The following ACADM variants were observed in gnomAD, a reference collection of about 807,000 sequenced individuals.
The protein encoded by ACADM is medium-chain specific acyl-CoA dehydrogenase, mitochondrial.
A neutral mutation model predicts 58.9 loss-of-function variants in ACADM; 49 were observed. That is an observed-to-expected ratio of 0.83 (90% CI 0.66 to 1.06). The LOEUF is 1.06. ACADM is among the 50% of genes least tolerant of loss of function. ACADM has a pLI of 0.00. For synonymous variants in ACADM, 160 were observed against 157.7 expected (o/e 1.01, Z -0.11); for missense variants, 496 against 507.0 (o/e 0.98, Z 0.21).
chr1:75,755,267 T>C (rs758502026), intron 10 of ACADM, among the ~76,000 whole-genome samples: 6 of 152,188 alleles, frequency 3.9e-5, no homozygotes, highest in Non-Finnish European at 7.3e-5. Context: ...GTAGTGGTCC[T>C]CCCAGAATGG....
At position 75,733,576 on chromosome 1, in the gene ACADM, T is replaced by G. The variant is rs1647188353; in HGVS notation, c.335T>G (p.Leu112Trp). 3 of 1,614,032 alleles carry G rather than the reference T, an allele frequency of 1.9e-6. No individual in the cohort carries two copies. In the African/African-American group the frequency reaches 4.0e-5, roughly 22 times the overall value. Residue 112 changes from leucine (L) to tryptophan (W), a missense_variant, in exon 5 of 12, where the codon TTG (leucine) becomes TGG (tryptophan). Physicochemically the swap from Leu to Trp is moderately conservative, Grantham distance 61. Transcript: ENST00000370841. The part of the protein sequence containing the change: ...TFDACLISEE[L>W]AYGCTGVQTA... ...GATGCTTGTTTAATTAGTGAAGAAT[T>G]GGCTTATGGATGTACAGGGGTTCAG...
At chr1:75,734,090 A>G (rs1043930110) in intron 5 of ACADM, among the ~76,000 whole-genome samples, 2 of 151,836 alleles carry the variant, frequency 1.3e-5, no homozygotes, top group Admixed American at 6.6e-5. Flanking sequence ...GGTTCAAGCA[A>G]TTCTCCTGCC....
chr1:75,736,518 G>A lies in ACADM; in HGVS notation c.468+1647G>A, dbSNP rs141961005. ...ATTGTCTATAAGAACTGTGTGAAACGTCTAGATTGTTCTCCTGTAGCATAT... is the reference window on the plus strand; with the variant it reads ...ATTGTCTATAAGAACTGTGTGAAACATCTAGATTGTTCTCCTGTAGCATAT... On this transcript the variant is annotated intron_variant, in intron 6 of 11. Coordinates refer to ENST00000370841, the MANE Select transcript of ACADM (RefSeq NM_000016.6). Among the ~76,000 whole-genome samples the A allele has an allele frequency of 2.9e-3, 437 of 152,152 alleles. 4 individuals carry two copies. The highest frequency in any genetic ancestry group is 0.01 in the African/African-American group (417 of 41,526).
chr1:75,732,649 A>T lies in ACADM; in HGVS notation c.124A>T (p.Thr42Ser). 6.2e-7 allele frequency: 1 copy of T among 1,613,632 alleles called. No individual in the cohort carries two copies. ...TCTAAATAATTTTCCCTTAGAGTTC[A>T]CCGAACAGCAGAAAGAATTTCAAGC... Reference protein sequence around the residue: ...EPGLGFSFEFTEQQKEFQATA... With the variant: ...EPGLGFSFEFSEQQKEFQATA... Residue 42 changes from threonine (T) to serine (S), a missense_variant, in exon 3 of 12, where the codon ACC (threonine) becomes TCC (serine). Thr to Ser is a moderately conservative substitution (Grantham distance 58). Transcript: ENST00000370841.
intron 7 of ACADM, chr1:75,743,513 C>T (rs1647701376): frequency 1.2e-6 from 2 of 1,609,110 alleles, no homozygotes; most frequent in Non-Finnish European, 8.5e-7. Context: ...AGCCGGTGAT[C>T]ATAGGTCAGT....
chr1:75,743,657 C>T (rs1647713004), intron 7 of ACADM: 1 of 1,485,968 alleles, frequency 6.7e-7, no homozygotes, highest in African/African-American at 1.4e-5. Context: ...AAAACACCTC[C>T]ATTGCTAATG....
intron 6 of ACADM, among the ~76,000 whole-genome samples, chr1:75,739,140 T>A (rs1557449893): frequency 6.6e-6 from 1 of 152,184 alleles, no homozygotes; most frequent in Non-Finnish European, 1.5e-5. Context: ...GTACCTGGAA[T>A]GCATATTCTT....
intron 6 of ACADM, 72 bp downstream of exon 6, chr1:75,734,943 C>A: frequency 2.7e-6 from 3 of 1,115,952 alleles, no homozygotes; most frequent in South Asian, 2.6e-5. Context: ...CCTTTTCAGT[C>A]TATATGTATA....
rs1434219466 is a variant in ACADM, at chr1:75,729,301, T to C, written c.118+813T>C. Among the ~76,000 whole-genome samples the C allele has an allele frequency of 1.1e-4, 16 of 146,958 alleles. 1 individual carries two copies. Among genetic ancestry groups the C allele is most frequent in the African/African-American group, 3.7e-4 (15 of 40,382 alleles). ...TTTTCTTTCTTTCTTTTTTCTTTTT[T>C]TTTTTTTTTTTAAGATGAGGTTTCA... On this transcript the variant is annotated intron_variant, in intron 2 of 11. Transcript: ENST00000370841.
At chr1:75,758,106 A>C (rs185305469) in intron 10 of ACADM, among the ~76,000 whole-genome samples, 2 of 152,026 alleles carry the variant, frequency 1.3e-5, no homozygotes, top group African/African-American at 2.4e-5. Context: ...CTTGTTGCCC[A>C]GGCTGGAGTG....
At position 75,743,713 on chromosome 1, in the gene ACADM, C is replaced by A. The variant is rs987309795; in HGVS notation, c.600-2093C>A. On this transcript the variant is annotated intron_variant, in intron 7 of 11. Transcript: ENST00000370841. ...ATCTTCAATGGCAAATTCATTCTTT[C>A]GGGCCTTCTCTCCCAGTTCAGTGAT... 68 of 1,495,312 alleles carry A rather than the reference C, an allele frequency of 4.5e-5. No homozygotes were observed. The Middle Eastern group carries it at 8.5e-4, about 19-fold the overall frequency. The allele number at this position is 1,495,312 out of a possible 1,614,324, so 92.6% of individuals were successfully genotyped here. A position where few individuals can be genotyped will look rare whatever the true frequency, so the allele number is the denominator to read the frequency against.
intron 10 of ACADM, among the ~76,000 whole-genome samples, chr1:75,751,972 T>C (rs1395085745): frequency 6.6e-6 from 1 of 150,874 alleles, no homozygotes; most frequent in Non-Finnish European, 1.5e-5. Context: ...CACTATGAGT[T>C]GTATAGTGAA....
At chr1:75,730,907 T>C (rs1479505326) in intron 2 of ACADM, among the ~76,000 whole-genome samples, 2 of 152,098 alleles carry the variant, frequency 1.3e-5, no homozygotes, top group Non-Finnish European at 2.9e-5. Flanking sequence ...GAGAGAACAC[T>C]GGACTGAAAT....
chr1:75,758,566 C>G (rs1255150670), intron 10 of ACADM, among the ~76,000 whole-genome samples: 1 of 152,136 alleles, frequency 6.6e-6, no homozygotes, highest in African/African-American at 2.4e-5. Context: ...ACTTGTCTGT[C>G]TAGCTAGATG....
chr1:75,734,311 C>T (rs2100368552), intron 5 of ACADM, among the ~76,000 whole-genome samples: 1 of 150,814 alleles, frequency 6.6e-6, no homozygotes, highest in South Asian at 2.1e-4. Context: ...CTACAGGCGC[C>T]CGCCACCATG....
At chr1:75,760,184 G>T (rs1648747591) in intron 10 of ACADM, among the ~76,000 whole-genome samples, 1 of 149,792 alleles carries the variant, frequency 6.7e-6, no homozygotes, top group Non-Finnish European at 1.5e-5. Context: ...ACTTTGGGAG[G>T]CTGAGGCGGG....
At chr1:75,735,555 G>A (rs925782151) in intron 6 of ACADM, among the ~76,000 whole-genome samples, 3 of 151,838 alleles carry the variant, frequency 2.0e-5, no homozygotes, top group Non-Finnish European at 4.4e-5. Flanking sequence ...TTTTGAATTA[G>A]TAAAAAATTA....
intron 6 of ACADM, among the ~76,000 whole-genome samples, chr1:75,738,366 G>A (rs765797086): frequency 5.3e-5 from 8 of 151,828 alleles, no homozygotes; most frequent in East Asian, 1.9e-4. Flanking sequence ...GATTACAGGC[G>A]CCCGCCACCA....
chr1:75,761,383 A>G lies in ACADM; in HGVS notation c.1194+13A>G, dbSNP rs1648848367. The G allele has an allele frequency of 1.2e-6, 2 of 1,613,476 alleles. No individual in the cohort carries two copies. The highest frequency in any genetic ancestry group is 2.2e-5 in the South Asian group (2 of 91,086). On this transcript the variant is annotated intron_variant, in intron 11 of 11. Coordinates refer to ENST00000370841, the MANE Select transcript of ACADM (RefSeq NM_000016.6). ...CAAAATCTATCAGGTAAGGTTAAAG[A>G]TGATTTTTTTGGTTTGCAAGGAGAG... is the stretch of plus-strand genomic sequence containing the variant.
Sources: gnomAD v4.1 joint callset for allele counts (sites outside exome capture counted in the v4.1 genomes callset) on GRCh38, gnomAD v4.1.1 for gene constraint, MANE v1.5 for transcripts, NCBI Gene and HGNC (gene_info 2026-07-23, HGNC 2026-07-21) for gene names.